AFF1: variants seen among roughly 807,000 people sequenced by gnomAD.
The protein encoded by AFF1 is AF4/FMR2 family member 1.
A neutral mutation model predicts 121.7 loss-of-function variants in AFF1; 48 were observed. The observed-to-expected ratio is 0.39, with a 90% CI of 0.31 to 0.50. The LOEUF (loss-of-function observed/expected upper bound fraction) is 0.50, where lower values mean the gene tolerates loss of function less well. Among genes scored for constraint, AFF1 ranks in the 20% least tolerant of loss-of-function variants. AFF1 has a pLI of 0.76. For missense variants in AFF1, 1,523 were observed against 1,511.7 expected, an observed-to-expected ratio of 1.01 and a Z score of -0.12; for synonymous variants, 613 against 563.0, an observed-to-expected ratio of 1.09 and a Z score of -1.26.
intron 4 of AFF1, among the ~76,000 whole-genome samples, chr4:87,083,886 C>T (rs1035091261): frequency 2.0e-5 from 3 of 152,160 alleles, no homozygotes; most frequent in African/African-American, 7.2e-5. Context: ...CCTCTACCTC[C>T]TGAGTAGCTG....
chr4:87,122,706 C>T (rs1727814339), intron 12 of AFF1, among the ~76,000 whole-genome samples: 3 of 151,866 alleles, frequency 2.0e-5, no homozygotes, highest in African/African-American at 7.3e-5. Flanking sequence ...ATTTATAATT[C>T]CTTCTTTGCA....
At chr4:87,035,429 C>T (rs966198526) in intron 2 of AFF1, among the ~76,000 whole-genome samples, 18 of 152,050 alleles carry the variant, frequency 1.2e-4, no homozygotes, top group African/African-American at 3.6e-4. Flanking sequence ...GGTGTGGTGG[C>T]GGGCGCCTGT....
intron 8 of AFF1, among the ~76,000 whole-genome samples, chr4:87,100,040 T>G (rs944438499): frequency 1.3e-5 from 2 of 152,226 alleles, no homozygotes; most frequent in Non-Finnish European, 2.9e-5. Context: ...AGAGCTCATT[T>G]GCATATATAA....
chr4:86,942,823 G>A (rs1720564608), intron 1 of AFF1, among the ~76,000 whole-genome samples: 1 of 152,156 alleles, frequency 6.6e-6, no homozygotes, highest in Admixed American at 6.6e-5. Flanking sequence ...TGCTAAATAG[G>A]CAAAGCAGAA....
intron 19 of AFF1, 70 bp from the exon 20 acceptor site, chr4:87,134,401 A>C: frequency 7.3e-7 from 1 of 1,372,430 alleles, no homozygotes; most frequent in Non-Finnish European, 9.9e-7. Context: ...AGTTCCAGAC[A>C]CGTAAATCTG....
At chr4:87,096,220 G>A (rs553456001) in intron 8 of AFF1, among the ~76,000 whole-genome samples, 25 of 151,792 alleles carry the variant, frequency 1.6e-4, no homozygotes, top group Non-Finnish European at 3.1e-4. Flanking sequence ...TTGTGATACT[G>A]GTAGATGATG....
chr4:87,108,835 G>A (rs985442416), intron 11 of AFF1, among the ~76,000 whole-genome samples: 6 of 152,190 alleles, frequency 3.9e-5, no homozygotes, highest in Non-Finnish European at 7.3e-5. Context: ...AAGTGATTTT[G>A]TCAGGGTTCT....
intron 4 of AFF1, among the ~76,000 whole-genome samples, chr4:87,050,432 C>T (rs564666701): frequency 6.6e-6 from 1 of 152,282 alleles, no homozygotes; most frequent in South Asian, 2.1e-4. Context: ...TGGAAAGTCA[C>T]TCTTTTTATT....
chr4:87,040,207 A>G (rs1337997482), intron 2 of AFF1, among the ~76,000 whole-genome samples: 1 of 152,008 alleles, frequency 6.6e-6, no homozygotes, highest in East Asian at 1.9e-4. Flanking sequence ...CAGTTTTTAT[A>G]ACTGAAAGAG....
intron 12 of AFF1, among the ~76,000 whole-genome samples, chr4:87,115,625 T>TTTTTTTTTTTTTTTTTTTTTC (rs397994396): frequency 9.7e-6 from 1 of 103,034 alleles, no homozygotes; most frequent in Non-Finnish European, 2.0e-5. Context: ...TTTTTTTTTT[T>TTTTTTTTTTTTTTTTTTTTTC]CCAAAGACAG....
intron 12 of AFF1, among the ~76,000 whole-genome samples, chr4:87,124,392 T>TA (rs1560652799): frequency 6.6e-6 from 1 of 152,296 alleles, no homozygotes. Context: ...AAGACAGTAT[T>TA]AAAAAAATTG....
At chr4:87,057,333 CAAG>C (rs974574167) in intron 4 of AFF1, among the ~76,000 whole-genome samples, 2 of 152,058 alleles carry the variant, frequency 1.3e-5, no homozygotes, top group Non-Finnish European at 1.5e-5. Flanking sequence ...TAGATAAAAA[CAAG>C]AATCATTAAT....
intron 2 of AFF1, among the ~76,000 whole-genome samples, chr4:86,967,752 A>T (rs769434899): frequency 6.6e-6 from 1 of 152,064 alleles, no homozygotes. Context: ...ATGCTGAAAG[A>T]TGGGAAAGAC....
At position 87,084,135 on chromosome 4, in the gene AFF1, G is replaced by A. The variant is rs1485128539; in HGVS notation, c.1075G>A (p.Glu359Lys). 1 of 1,613,778 alleles carries A rather than the reference G, an allele frequency of 6.2e-7. No homozygotes were observed. Among genetic ancestry groups the A allele is most frequent in the East Asian group, 2.2e-5 (1 of 44,888 alleles). Reference protein sequence around the residue: ...SQSVEQTYSNEVHCVEEILKE... With the variant: ...SQSVEQTYSNKVHCVEEILKE... ...TCACTTTCAGCAGACCTACTCCAAT[G>A]AAGTCCATTGTGTTGAAGAGATTCT... The change falls in exon 5 of 21, where the codon GAA becomes AAA. Residue 359 changes from glutamate (E) to lysine (K), a missense_variant. Glu to Lys is a moderately conservative substitution (Grantham distance 56). Around this residue, in one of 5 missense-constraint regions of AFF1, gnomAD observed 905 missense variants for 842.5 expected, o/e 1.07. Transcript: ENST00000395146.
At chr4:86,983,880 AC>A (rs1723990174) in intron 2 of AFF1, among the ~76,000 whole-genome samples, 1 of 151,944 alleles carries the variant, frequency 6.6e-6, no homozygotes, top group Non-Finnish European at 1.5e-5. Context: ...TACTAAAAAT[AC>A]AAAAAATTAG....
intron 2 of AFF1, among the ~76,000 whole-genome samples, chr4:86,970,624 TGAATC>T (rs1181961974): frequency 1.3e-5 from 2 of 152,122 alleles, no homozygotes; most frequent in African/African-American, 2.4e-5. Context: ...AAAATAAACA[TGAATC>T]ATATCAGGGT....
Position 87,131,212 on chromosome 4 carries a change from C to A in AFF1, c.3094C>A (p.Leu1032Ile). Reference sequence around the variant, plus strand: ...CTCTGTCTACTCAGAAACTGTAGATCTCATTAAGTAAGTGCCGAGTCATTG... The same window carrying A: ...CTCTGTCTACTCAGAAACTGTAGATATCATTAAGTAAGTGCCGAGTCATTG... ...AYSVYSETVD[L>I]IKFIMSLKSF... Residue 1032 changes from leucine to isoleucine, a missense_variant, in exon 17 of 21, where the codon CTC becomes ATC. Transcript: ENST00000395146. The A allele has an allele frequency of 6.2e-7, 1 of 1,614,148 alleles. No individual in the cohort carries two copies. Among genetic ancestry groups the A allele is most frequent in the Non-Finnish European group, 8.5e-7 (1 of 1,180,014 alleles).
chr4:87,108,433 C>G (rs773012483), intron 11 of AFF1, 118 bp downstream of exon 11: 39 of 1,087,802 alleles, frequency 3.6e-5, no homozygotes, highest in Non-Finnish European at 4.9e-5. Context: ...TCCCATGGGG[C>G]AATGCTTTCC....
chr4:87,019,887 G>GGGGC (rs1553918046), intron 2 of AFF1, among the ~76,000 whole-genome samples: 1 of 138,684 alleles, frequency 7.2e-6, no homozygotes, highest in Non-Finnish European at 1.6e-5. Context: ...AAGGGGTCGG[G>GGGGC]GGGGGGCAGT....
Sources: gnomAD v4.1 joint callset for allele counts (sites outside exome capture counted in the v4.1 genomes callset) on GRCh38, gnomAD v4.1.1 for gene constraint, gnomAD v4.1.1 regional missense constraint, MANE v1.5 for transcripts, NCBI Gene and HGNC (gene_info 2026-07-23, HGNC 2026-07-21) for gene names.